The following EYS variants were observed in gnomAD, a reference collection of about 807,000 sequenced individuals.
EYS encodes EGF-like photoreceptor maintenance factor.
Under a neutral mutation model 282.1 loss-of-function variants are expected in EYS, and 250 were observed. That is an observed-to-expected ratio of 0.89 (90% CI 0.80 to 0.98). The LOEUF is 0.98. Ranked by LOEUF, EYS falls within the 50% of genes least tolerant of loss-of-function variation. EYS has a pLI of 0.00. For synonymous variants in EYS, 1,355 were observed against 1,282.9 expected (o/e 1.06, Z -1.20); for missense variants, 4,016 against 3,709.0 (o/e 1.08, Z -2.15).
At chr6:64,292,860 A>G (rs1006971126) in intron 30 of EYS, among the ~76,000 whole-genome samples, 2 of 152,124 alleles carry the variant, frequency 1.3e-5, no homozygotes, top group Non-Finnish European at 2.9e-5. Context: ...CAAATCATGC[A>G]ATACTCTGTG....
intron 26 of EYS, among the ~76,000 whole-genome samples, chr6:64,474,996 G>A (rs1363431293): frequency 3.3e-5 from 5 of 152,174 alleles, no homozygotes; most frequent in African/African-American, 1.2e-4. Context: ...TGGCCATGAG[G>A]CAATGGCCAA....
chr6:64,177,334 GTA>G (rs58368805), intron 31 of EYS, among the ~76,000 whole-genome samples: 5 of 149,628 alleles, frequency 3.3e-5, no homozygotes, highest in Non-Finnish European at 5.9e-5. Context: ...TTCACACACT[GTA>G]TATATATATA....
At chr6:64,138,523 A>T (rs943923242) in intron 31 of EYS, among the ~76,000 whole-genome samples, 1 of 152,144 alleles carries the variant, frequency 6.6e-6, no homozygotes, top group Admixed American at 6.5e-5. Context: ...TTACGGATAT[A>T]TGTGGGGTGA....
At chr6:64,766,649 A>AAAAAATATATATATATATAT (rs1387919586) in intron 22 of EYS, among the ~76,000 whole-genome samples, 1 of 19,066 alleles carries the variant, frequency 5.2e-5, no homozygotes, top group East Asian at 1.2e-3. Flanking sequence ...AAAAAAAAAA[A>AAAAAATATATATATATATAT]ATATATATAT....
intron 31 of EYS, among the ~76,000 whole-genome samples, chr6:64,149,482 A>G (rs1562225595): frequency 6.6e-6 from 1 of 152,198 alleles, no homozygotes; most frequent in East Asian, 1.9e-4. Flanking sequence ...GATGGGCACG[A>G]AGATTTTGCG....
chr6:64,442,607 G>A (rs1159573292), intron 26 of EYS, among the ~76,000 whole-genome samples: 5 of 152,180 alleles, frequency 3.3e-5, no homozygotes, highest in Non-Finnish European at 7.3e-5. Flanking sequence ...GCCAGGCTAA[G>A]GGTATTTCCG....
At chr6:64,656,234 T>C (rs1428769173) in intron 22 of EYS, among the ~76,000 whole-genome samples, 1 of 152,124 alleles carries the variant, frequency 6.6e-6, no homozygotes. Context: ...TGGTGTCTAA[T>C]GAGAGATACA....
intron 12 of EYS, among the ~76,000 whole-genome samples, chr6:65,160,969 C>G (rs368996574): frequency 5.9e-4 from 88 of 149,700 alleles, no homozygotes; most frequent in African/African-American, 1.8e-3. Flanking sequence ...CCTTCTATCT[C>G]TTCTCATCTA....
At chr6:64,994,616 T>C (rs910684998) in intron 14 of EYS, among the ~76,000 whole-genome samples, 3 of 152,136 alleles carry the variant, frequency 2.0e-5, no homozygotes, top group Non-Finnish European at 4.4e-5. Context: ...TAATTTTCTC[T>C]TCCACTTCAA....
chr6:64,828,602 G>C (rs953152633), intron 19 of EYS, among the ~76,000 whole-genome samples: 1 of 152,012 alleles, frequency 6.6e-6, no homozygotes, highest in Non-Finnish European at 1.5e-5. Context: ...GCATGTCTGG[G>C]TAGTTGTAGA....
At chr6:65,141,126 A>T (rs1271199728) in intron 12 of EYS, among the ~76,000 whole-genome samples, 1 of 151,952 alleles carries the variant, frequency 6.6e-6, no homozygotes. Context: ...GATTAAGAAA[A>T]TGTGGCACAT....
At chr6:64,771,176 A>G (rs1014856145) in intron 22 of EYS, among the ~76,000 whole-genome samples, 2 of 151,614 alleles carry the variant, frequency 1.3e-5, no homozygotes, top group African/African-American at 4.8e-5. Flanking sequence ...AACTTTTGCT[A>G]TATTATTGTA....
At chr6:65,592,976 T>C (rs2127369201) in intron 2 of EYS, among the ~76,000 whole-genome samples, 1 of 152,144 alleles carries the variant, frequency 6.6e-6, no homozygotes, top group East Asian at 1.9e-4. Context: ...CTGCCTCCTG[T>C]TTCCAGTAAC....
chr6:64,277,491 A>G (rs57854046), intron 30 of EYS, among the ~76,000 whole-genome samples: 2,622 of 152,230 alleles, frequency 0.017, 66 homozygotes, highest in African/African-American at 0.06. Context: ...TTATAAAACT[A>G]TCCATAGCGC....
At chr6:64,791,700 G>T (rs1774197962) in intron 22 of EYS, among the ~76,000 whole-genome samples, 1 of 151,782 alleles carries the variant, frequency 6.6e-6, no homozygotes, top group African/African-American at 2.4e-5. Flanking sequence ...TGTGTACAAA[G>T]TGTAAACTAA....
At chr6:64,461,369 TTGAC>T (rs201270212) in intron 26 of EYS, among the ~76,000 whole-genome samples, 2,377 of 152,264 alleles carry the variant, frequency 0.016, 49 homozygotes, top group African/African-American at 0.054. Flanking sequence ...AGAGGATTGA[TTGAC>T]TGATGGATTG....
intron 12 of EYS, among the ~76,000 whole-genome samples, chr6:65,132,635 C>T (rs1418383522): frequency 1.1e-4 from 16 of 151,874 alleles, no homozygotes; most frequent in Admixed American, 1.1e-3. Flanking sequence ...AAGCATTCCC[C>T]ATGAAAACCA....
At chr6:65,520,384 G>A (rs1767321742) in intron 2 of EYS, among the ~76,000 whole-genome samples, 1 of 152,044 alleles carries the variant, frequency 6.6e-6, no homozygotes, top group South Asian at 2.1e-4. Context: ...AAGATAACAA[G>A]ACATATGTTG....
chr6:64,229,953 G>C (rs1389815975), intron 31 of EYS, among the ~76,000 whole-genome samples: 8 of 152,160 alleles, frequency 5.3e-5, no homozygotes, highest in Admixed American at 2.0e-4. Context: ...TCAGCTATCA[G>C]TGCAAGGACA....
Sources: gnomAD v4.1 joint callset for allele counts (sites outside exome capture counted in the v4.1 genomes callset) on GRCh38, gnomAD v4.1.1 for gene constraint, MANE v1.5 for transcripts, NCBI Gene and HGNC (gene_info 2026-07-23, HGNC 2026-07-21) for gene names.